The following PDE3A variants were observed in gnomAD, a reference collection of about 807,000 sequenced individuals.
The protein encoded by PDE3A is phosphodiesterase 3A.
PDE3A carries 43 observed loss-of-function variants against 98.3 expected under a neutral mutation model. The ratio of observed to expected loss-of-function variants is 0.44; its 90% CI spans 0.34 to 0.56. The LOEUF (loss-of-function observed/expected upper bound fraction) is 0.56, where lower values mean the gene tolerates loss of function less well. Among genes scored for constraint, PDE3A ranks in the 20% least tolerant of loss-of-function variants. The pLI, the probability that PDE3A is intolerant of heterozygous loss-of-function variation, is 0.01. For missense variants in PDE3A, 1,427 were observed against 1,440.7 expected (o/e 0.99, Z 0.15); for synonymous variants, 663 against 567.9 (o/e 1.17, Z -2.38).
Position 20,680,018 on chromosome 12 carries a change from T to G in PDE3A, c.3185-12T>G. ...TAGTCTGATTTGGTGTTTTTTATTT[T>G]ATTTATTTTAGAAAAGAAGACTTTC... is the stretch of plus-strand genomic sequence containing the variant. On this transcript the variant is annotated splice_polypyrimidine_tract_variant and intron_variant, in intron 15 of 15. Coordinates refer to ENST00000359062, the MANE Select transcript of PDE3A (RefSeq NM_000921.5). The G allele has an allele frequency of 6.3e-7, 1 of 1,576,526 alleles. No individual in the cohort carries two copies. Among genetic ancestry groups the G allele is most frequent in the Non-Finnish European group, 8.7e-7 (1 of 1,155,408 alleles).
intron 9 of PDE3A, among the ~76,000 whole-genome samples, chr12:20,638,437 T>C (rs560803590): frequency 6.6e-5 from 10 of 152,276 alleles, no homozygotes; most frequent in Non-Finnish European, 1.5e-4. Flanking sequence ...TGTTGAGGAA[T>C]ATAATGGCAG....
At position 20,515,699 on chromosome 12, in the gene PDE3A, A is replaced by ATTATTTATTTAT. The variant is rs58454608; in HGVS notation, c.961-40922_961-40911dup. 9.3e-3 allele frequency among the ~76,000 whole-genome samples: 1,319 copies of ATTATTTATTTAT among 141,076 alleles called. 10 individuals carry two copies. Among genetic ancestry groups the ATTATTTATTTAT allele is most frequent in the East Asian group, 0.023 (105 of 4,598 alleles). The allele number at this position is 141,076 out of a possible 152,430, so 92.6% of individuals were successfully genotyped here. A position where few individuals can be genotyped will look rare whatever the true frequency, so the allele number is the denominator to read the frequency against. On this transcript the variant is annotated intron_variant, in intron 1 of 15. Transcript: ENST00000359062. ...TTAGTGGTGTAGAATCTCACACTGT[A>ATTATTTATTTAT]TTATTTATTTATTTATTTATTTATT... is the stretch of plus-strand genomic sequence containing the variant.
intron 2 of PDE3A, among the ~76,000 whole-genome samples, chr12:20,609,687 G>T (rs1052629204): frequency 6.6e-6 from 1 of 151,890 alleles, no homozygotes; most frequent in Non-Finnish European, 1.5e-5. Context: ...CATGCTACTG[G>T]CATAACAACA....
At chr12:20,616,482 T>G in intron 4 of PDE3A, 98 bp downstream of exon 4, 1 of 1,182,642 alleles carries the variant, frequency 8.5e-7, no homozygotes, top group Non-Finnish European at 1.2e-6. Context: ...CCAATTACAT[T>G]TGGTTGGAGG....
chr12:20,437,620 C>T (rs1429991537), intron 1 of PDE3A, among the ~76,000 whole-genome samples: 1 of 152,092 alleles, frequency 6.6e-6, no homozygotes, highest in East Asian at 1.9e-4. Flanking sequence ...GAGGGTGCCA[C>T]ACACTCGTAA....
At chr12:20,572,934 C>G (rs989686191) in intron 2 of PDE3A, among the ~76,000 whole-genome samples, 2 of 152,028 alleles carry the variant, frequency 1.3e-5, no homozygotes, top group African/African-American at 4.8e-5. Flanking sequence ...CCATACTGTA[C>G]TGATTGGTAT....
intron 2 of PDE3A, among the ~76,000 whole-genome samples, chr12:20,560,648 C>T (rs1274460529): frequency 1.3e-5 from 2 of 152,074 alleles, no homozygotes; most frequent in Non-Finnish European, 2.9e-5. Flanking sequence ...TATTTACTTA[C>T]TTATTTGTTT....
chr12:20,449,573 G>A (rs1230968340), intron 1 of PDE3A: 17 of 301,974 alleles, frequency 5.6e-5, no homozygotes, highest in South Asian at 1.2e-4. Flanking sequence ...CCTTCCATGT[G>A]GGGTATCTGA....
At chr12:20,650,413 C>G (rs1374904125) in intron 13 of PDE3A, 32 bp from the exon 14 acceptor site, 10 of 1,503,796 alleles carry the variant, frequency 6.6e-6, no homozygotes, top group Non-Finnish European at 9.1e-6. Context: ...TTTATCAAAG[C>G]AAAACATATA....
intron 1 of PDE3A, among the ~76,000 whole-genome samples, chr12:20,501,233 A>T (rs1946019531): frequency 6.6e-6 from 1 of 152,214 alleles, no homozygotes; most frequent in South Asian, 2.1e-4. Flanking sequence ...CTTTGGGCTT[A>T]TGAAACATCT....
At chr12:20,373,597 C>G (rs1406874754) in intron 1 of PDE3A, among the ~76,000 whole-genome samples, 1 of 152,052 alleles carries the variant, frequency 6.6e-6, no homozygotes, top group East Asian at 1.9e-4. Context: ...TGAAAGATTT[C>G]AAACCAATGC....
intron 2 of PDE3A, among the ~76,000 whole-genome samples, chr12:20,584,036 C>G (rs1057314468): frequency 2.6e-5 from 4 of 152,134 alleles, no homozygotes; most frequent in Non-Finnish European, 5.9e-5. Context: ...CTAGACGCAC[C>G]TACTGTGTGA....
At chr12:20,489,385 G>A (rs1945790116) in intron 1 of PDE3A, among the ~76,000 whole-genome samples, 1 of 152,070 alleles carries the variant, frequency 6.6e-6, no homozygotes, top group South Asian at 2.1e-4. Context: ...TCTTGAGGTG[G>A]GCATGAGAAA....
At position 20,687,481 on chromosome 12, in the gene PDE3A, T is replaced by A. The variant is rs139173250; in HGVS notation, c.*7210T>A. Among the ~76,000 whole-genome samples, 730 of 134,900 alleles carry A rather than the reference T, an allele frequency of 5.4e-3. 10 individuals are homozygous for A. Among genetic ancestry groups the A allele is most frequent in the African/African-American group, 0.017 (662 of 38,414 alleles). The allele number at this position is 134,900 out of a possible 152,430, so 88.5% of individuals were successfully genotyped here. A position where few individuals can be genotyped will look rare whatever the true frequency, so the allele number is the denominator to read the frequency against. On this transcript the variant is annotated 3_prime_UTR_variant, in exon 16 of 16. Transcript: ENST00000359062. ...AAAATATTTGCATGGGAATTTTAGCTTATTATGTTTGCTTAACTGGTGTTT... is the reference window on the plus strand; with the variant it reads ...AAAATATTTGCATGGGAATTTTAGCATATTATGTTTGCTTAACTGGTGTTT...
chr12:20,482,835 T>C (rs1345176388), intron 1 of PDE3A, among the ~76,000 whole-genome samples: 9 of 152,228 alleles, frequency 5.9e-5, no homozygotes, highest in Admixed American at 4.6e-4. Context: ...CAGATTTAAT[T>C]TGCAACAATT....
At chr12:20,536,108 A>G (rs1018328689) in intron 1 of PDE3A, among the ~76,000 whole-genome samples, 5 of 152,172 alleles carry the variant, frequency 3.3e-5, no homozygotes, top group African/African-American at 1.2e-4. Flanking sequence ...AAATAATTCC[A>G]AAGTCACTAT....
intron 1 of PDE3A, among the ~76,000 whole-genome samples, chr12:20,399,141 A>G (rs1297777661): frequency 6.6e-6 from 1 of 152,180 alleles, no homozygotes; most frequent in African/African-American, 2.4e-5. Flanking sequence ...GTCGTAGCAC[A>G]TGTCAGAATT....
intron 1 of PDE3A, among the ~76,000 whole-genome samples, chr12:20,431,598 C>CAT (rs1944697711): frequency 7.0e-6 from 1 of 142,140 alleles, no homozygotes; most frequent in South Asian, 2.1e-4. Flanking sequence ...CAGGAAAACA[C>CAT]ACACACACAC....
At chr12:20,469,275 C>CTAGT (rs1945395913) in intron 1 of PDE3A, among the ~76,000 whole-genome samples, 1 of 152,164 alleles carries the variant, frequency 6.6e-6, no homozygotes. Flanking sequence ...GAATACCCTT[C>CTAGT]TAGTTACTTG....
Sources: gnomAD v4.1 joint callset for allele counts (sites outside exome capture counted in the v4.1 genomes callset) on GRCh38, gnomAD v4.1.1 for gene constraint, MANE v1.5 for transcripts, NCBI Gene and HGNC (gene_info 2026-07-23, HGNC 2026-07-21) for gene names.